ITPK1: variants seen among roughly 807,000 people sequenced by gnomAD.
ITPK1 encodes the protein inositol-tetrakisphosphate 1-kinase, also known as inositol 1,3,4-trisphosphate 5/6-kinase.
Under a neutral mutation model 45.3 loss-of-function variants are expected in ITPK1, and 21 were observed. The ratio of observed to expected loss-of-function variants is 0.46; its 90% CI spans 0.33 to 0.67. The LOEUF (loss-of-function observed/expected upper bound fraction) is 0.67, where lower values mean the gene tolerates loss of function less well. Among genes scored for constraint, ITPK1 ranks in the 30% least tolerant of loss-of-function variants. The pLI, the probability that ITPK1 is intolerant of heterozygous loss-of-function variation, is 0.02. For missense variants in ITPK1, 474 were observed against 573.5 expected, an observed-to-expected ratio of 0.83 and a Z score of 1.77; for synonymous variants, 258 against 253.6, an observed-to-expected ratio of 1.02 and a Z score of -0.16.
rs1366165690 is a variant in ITPK1, at chr14:93,115,080, G to A, written c.84C>T (p.Ala28=). ...GCGTCCCTCCTTACCTGCACAGCTC[G>A]GCGAAGGCCTGGAAATTCAGCTTCT... is the stretch of plus-strand genomic sequence containing the variant. ...KIKKLNFQAF[A]ELCRKRGMEV... The change falls in exon 2 of 11, where the codon GCC becomes GCT. Residue 28 remains alanine, a synonymous_variant. Coordinates refer to ENST00000267615, the MANE Select transcript of ITPK1 (RefSeq NM_014216.6). The A allele has an allele frequency of 3.9e-5, 62 of 1,598,978 alleles. No homozygotes were observed. Among genetic ancestry groups the A allele is most frequent in the Non-Finnish European group, 5.2e-5 (61 of 1,174,294 alleles).
intron 2 of ITPK1, among the ~76,000 whole-genome samples, chr14:93,085,044 G>A (rs1437099032): frequency 1.3e-5 from 2 of 152,212 alleles, no homozygotes; most frequent in African/African-American, 2.4e-5. Context: ...AACACTCCCC[G>A]AGTGCTGCCG....
At chr14:93,113,668 G>A (rs1043769686) in intron 2 of ITPK1, among the ~76,000 whole-genome samples, 2 of 152,176 alleles carry the variant, frequency 1.3e-5, no homozygotes, top group Non-Finnish European at 2.9e-5. Flanking sequence ...AGGGTCCTAA[G>A]ACTCATTTTC....
At position 93,019,162 on chromosome 14, in the gene ITPK1, C is replaced by T. The variant is rs555030645; in HGVS notation, c.121-2361G>A. 7.9e-5 allele frequency among the ~76,000 whole-genome samples: 12 copies of T among 152,326 alleles called. No homozygotes were observed. In the South Asian group the frequency reaches 2.3e-3, roughly 29 times the overall value. On this transcript the variant is annotated intron_variant, in intron 3 of 10. Transcript: ENST00000267615. ...AGGCACCACAAACGAGAGGCCAAGA[C>T]AGCTACGAGCGCAGGGGGAGCCGGG... is the stretch of plus-strand genomic sequence containing the variant.
intron 3 of ITPK1, among the ~76,000 whole-genome samples, chr14:93,056,496 G>A (rs572529509): frequency 1.3e-5 from 2 of 152,324 alleles, no homozygotes; most frequent in Admixed American, 1.3e-4. Flanking sequence ...AGCAGCAAGG[G>A]CTTAGGGAAG....
intron 3 of ITPK1, among the ~76,000 whole-genome samples, chr14:93,028,336 C>G (rs986635875): frequency 1.3e-5 from 2 of 152,198 alleles, no homozygotes; most frequent in Non-Finnish European, 2.9e-5. Context: ...TGACATGAGC[C>G]GGAAACCAAC....
At chr14:93,107,966 G>A (rs1028108135) in intron 2 of ITPK1, among the ~76,000 whole-genome samples, 5 of 152,222 alleles carry the variant, frequency 3.3e-5, no homozygotes, top group Non-Finnish European at 7.3e-5. Context: ...CCGCAGCCGG[G>A]AGGAAAGGCC....
At chr14:93,009,543 C>A (rs952809071) in intron 4 of ITPK1, among the ~76,000 whole-genome samples, 3 of 152,196 alleles carry the variant, frequency 2.0e-5, no homozygotes, top group Admixed American at 6.5e-5. Context: ...ATGGTCCCAC[C>A]CTCCCCGAAG....
At chr14:93,000,904 G>A (rs547306337) in intron 4 of ITPK1, among the ~76,000 whole-genome samples, 3 of 147,154 alleles carry the variant, frequency 2.0e-5, no homozygotes, top group Non-Finnish European at 4.4e-5. Flanking sequence ...TTGGGAGGCA[G>A]AGGTTGCAAT....
chr14:92,976,437 T>A (rs751037022), intron 5 of ITPK1, among the ~76,000 whole-genome samples: 2 of 152,190 alleles, frequency 1.3e-5, no homozygotes, highest in Non-Finnish European at 2.9e-5. Flanking sequence ...GTCACCATCA[T>A]GCTAAACTGC....
chr14:93,112,628 T>C (rs747888627), intron 2 of ITPK1, among the ~76,000 whole-genome samples: 3 of 151,924 alleles, frequency 2.0e-5, no homozygotes, highest in Non-Finnish European at 4.4e-5. Context: ...TTAGTAGAGA[T>C]GGGGTTTCAC....
chr14:92,940,740 T>C lies in ITPK1; in HGVS notation c.*821A>G, dbSNP rs867349155. ...ACAAGGGGGTGGAGGCCCAAAGACC[T>C]GGAATGATTTGCCCAAATCACAGCA... On this transcript the variant is annotated 3_prime_UTR_variant, in exon 11 of 11. Transcript: ENST00000267615. The C allele has an allele frequency of 4.7e-6, 6 of 1,289,094 alleles. No homozygotes were observed. The highest frequency in any genetic ancestry group is 3.7e-5 in the South Asian group (3 of 80,994). 79.9% of individuals were successfully genotyped at this position (1,289,094 alleles called of 1,614,324 possible).
At chr14:92,981,559 G>T (rs1886230271) in intron 5 of ITPK1, among the ~76,000 whole-genome samples, 2 of 152,178 alleles carry the variant, frequency 1.3e-5, no homozygotes, top group South Asian at 4.2e-4. Context: ...TCTCCCATGG[G>T]AGTGGGATTT....
chr14:92,997,854 G>A (rs1010212132), intron 4 of ITPK1, among the ~76,000 whole-genome samples: 3 of 152,178 alleles, frequency 2.0e-5, no homozygotes, highest in African/African-American at 4.8e-5. Flanking sequence ...CACCTACAGC[G>A]CAAGCTCTCT....
At chr14:93,008,440 A>G (rs960884465) in intron 4 of ITPK1, among the ~76,000 whole-genome samples, 3 of 152,260 alleles carry the variant, frequency 2.0e-5, no homozygotes, top group African/African-American at 7.2e-5. Flanking sequence ...CTGAATGAAC[A>G]TAATAGTTAC....
chr14:92,941,138 C>A lies in ITPK1; in HGVS notation c.*423G>T, dbSNP rs1383435798. 2.5e-6 allele frequency: 3 copies of A among 1,209,112 alleles called. No individual in the cohort carries two copies. The highest frequency in any genetic ancestry group is 3.1e-6 in the Non-Finnish European group (3 of 956,566). The allele number at this position is 1,209,112 out of a possible 1,614,324, so 74.9% of individuals were successfully genotyped here. On this transcript the variant is annotated 3_prime_UTR_variant, in exon 11 of 11. Transcript: ENST00000267615. ...GCAGAAGGGAAGCCACTCTCACATG[C>A]ACCGATCAGCCTCCCACAGCCCGAC...
chr14:93,025,019 C>T (rs1171303048), intron 3 of ITPK1, among the ~76,000 whole-genome samples: 1 of 152,222 alleles, frequency 6.6e-6, no homozygotes, highest in African/African-American at 2.4e-5. Context: ...ACAACCCAGA[C>T]TTGCCCCAGT....
chr14:93,015,252 A>G (rs72706409), intron 4 of ITPK1, among the ~76,000 whole-genome samples: 3 of 152,298 alleles, frequency 2.0e-5, no homozygotes, highest in Non-Finnish European at 2.9e-5. Flanking sequence ...CAAGCTGCAC[A>G]TGCTTCCACG....
At chr14:93,102,275 C>CG (rs1165787540) in intron 2 of ITPK1, among the ~76,000 whole-genome samples, 1 of 152,240 alleles carries the variant, frequency 6.6e-6, no homozygotes, top group Non-Finnish European at 1.5e-5. Context: ...GCACAGGCCA[C>CG]GGCTTGGCTG....
At chr14:93,097,562 C>T (rs569010295) in intron 2 of ITPK1, among the ~76,000 whole-genome samples, 16 of 152,328 alleles carry the variant, frequency 1.1e-4, no homozygotes, top group Non-Finnish European at 1.9e-4. Flanking sequence ...TGAAAAAATG[C>T]TTATTGCTTA....
Sources: allele counts gnomAD v4.1 joint callset (sites outside exome capture counted in the v4.1 genomes callset), GRCh38; gene constraint gnomAD v4.1.1; transcripts MANE v1.5; gene names NCBI Gene and HGNC (gene_info 2026-07-23, HGNC 2026-07-21).